ITGAE: variants seen among roughly 807,000 people sequenced by gnomAD.
ITGAE encodes the protein integrin alpha-E.
Under a neutral mutation model 136.5 loss-of-function variants are expected in ITGAE, and 99 were observed. The observed-to-expected ratio is 0.73, with a 90% CI of 0.62 to 0.86. The LOEUF (loss-of-function observed/expected upper bound fraction) is 0.86. ITGAE is among the 40% of genes least tolerant of loss of function. ITGAE has a pLI of 0.00. For synonymous variants in ITGAE, 613 were observed against 591.8 expected, an observed-to-expected ratio of 1.04 and a Z score of -0.52; for missense variants, 1,447 against 1,515.3, an observed-to-expected ratio of 0.95 and a Z score of 0.75.
At chr17:3,764,422 C>T (rs377655553) in intron 2 of ITGAE, among the ~76,000 whole-genome samples, 7 of 152,170 alleles carry the variant, frequency 4.6e-5, no homozygotes, top group African/African-American at 1.2e-4. Flanking sequence ...GGAGGCCGGG[C>T]GCGGCGGCTC....
Position 3,763,925 on chromosome 17 carries a change from G to T in ITGAE, c.191C>A (p.Pro64Gln), listed in dbSNP as rs1198463469. ...AAGGGAACATCGATGGAGGGGCCCT[G>T]GTGTCCTCTTGGTTCTGGGGCTGGT... Reference protein sequence around the residue: ...LVTSPRTKRTPGPLHRCSLVQ... With the variant: ...LVTSPRTKRTQGPLHRCSLVQ... Residue 64 changes from proline to glutamine, a missense_variant, in exon 3 of 31, where the codon CCA becomes CAA. This residue lies in a region of ITGAE where 106 missense variants were observed against 87.8 expected (regional missense o/e 1.21). Coordinates refer to ENST00000263087, the MANE Select transcript of ITGAE (RefSeq NM_002208.5). The T allele has an allele frequency of 1.2e-6, 2 of 1,613,792 alleles. No homozygotes were observed. Among genetic ancestry groups the T allele is most frequent in the Non-Finnish European group, 8.5e-7 (1 of 1,179,892 alleles).
At chr17:3,753,643 C>A in intron 13 of ITGAE, 140 bp downstream of exon 13, 1 of 1,171,152 alleles carries the variant, frequency 8.5e-7, no homozygotes, top group South Asian at 1.5e-5. Context: ...GAAGCAGAGC[C>A]CTCGAGCTCC....
In ITGAE at chr17:3,755,818, T is replaced by G; in HGVS notation, c.1239+12A>C. 1 of 1,583,534 alleles carries G rather than the reference T, an allele frequency of 6.3e-7. No homozygotes were observed. Among genetic ancestry groups the G allele is most frequent in the Non-Finnish European group, 8.6e-7 (1 of 1,165,244 alleles). On this transcript the variant is annotated intron_variant, in intron 11 of 30. Transcript: ENST00000263087. ...ATGGGCAAGCCTGCCTGGTGCTGAG[T>G]CAGCCACGTACCTCATCCAGGATCT...
Position 3,714,810 on chromosome 17 carries a change from G to T in ITGAE, c.*37C>A, listed in dbSNP as rs2050912173. The T allele has an allele frequency of 1.6e-6, 2 of 1,229,186 alleles. No individual in the cohort carries two copies. Among genetic ancestry groups the T allele is most frequent in the Non-Finnish European group, 2.4e-6 (2 of 833,810 alleles). 76.1% of individuals were successfully genotyped at this position (1,229,186 alleles called of 1,614,324 possible). On this transcript the variant is annotated 3_prime_UTR_variant, in exon 31 of 31. Coordinates refer to ENST00000263087, the MANE Select transcript of ITGAE (RefSeq NM_002208.5). ...AAGGATGCTGGGTCTCCAAGTCCCA[G>T]GACTGGCTGATAGCCTCTCCCAGTG...
At chr17:3,778,435 T>C (rs971166946) in intron 1 of ITGAE, among the ~76,000 whole-genome samples, 1 of 152,114 alleles carries the variant, frequency 6.6e-6, no homozygotes, top group Non-Finnish European at 1.5e-5. Context: ...CGGTGGCACG[T>C]TCCTGTAATC....
intron 2 of ITGAE, among the ~76,000 whole-genome samples, chr17:3,769,769 C>T (rs778875227): frequency 4.6e-4 from 69 of 150,052 alleles, no homozygotes; most frequent in Non-Finnish European, 8.2e-4. Context: ...CTGCAACCTC[C>T]GCCTCCCTGG....
intron 1 of ITGAE, among the ~76,000 whole-genome samples, chr17:3,788,765 A>ATTAAAATAATTATTTAAAAATAATAG (rs2052863384): frequency 6.8e-6 from 1 of 146,264 alleles, no homozygotes; most frequent in South Asian, 2.1e-4. Flanking sequence ...AAAAATAATA[A>ATTAAAATAATTATTTAAAAATAATAG]TTATTAAAAT....
In ITGAE at chr17:3,762,590, T is replaced by A. The variant is rs1056419822; in HGVS notation, c.248-608A>T. Among the ~76,000 whole-genome samples, 7 of 114,996 alleles carry A rather than the reference T, an allele frequency of 6.1e-5. No homozygotes were observed. In the East Asian group the frequency reaches 1.6e-3, roughly 27 times the overall value. 75.4% of individuals were successfully genotyped at this position (114,996 alleles called of 152,430 possible). On this transcript the variant is annotated intron_variant, in intron 3 of 30. Coordinates refer to ENST00000263087, the MANE Select transcript of ITGAE (RefSeq NM_002208.5). The stretch of plus-strand genomic sequence containing the variant: ...CAACTCAGTGCCTCTCAGACAAGGA[T>A]TTTTTTTTTTTTTTTTTTTTTTTTT...
chr17:3,762,076 G>T, intron 3 of ITGAE, 94 bp from the exon 4 acceptor site: 1 of 1,023,134 alleles, frequency 9.8e-7, no homozygotes, highest in Non-Finnish European at 1.5e-6. Flanking sequence ...ACCTTGGTCA[G>T]GCCCCCATGA....
chr17:3,771,503 C>T (rs1159804791), intron 2 of ITGAE, among the ~76,000 whole-genome samples: 3 of 150,344 alleles, frequency 2.0e-5, no homozygotes, highest in Admixed American at 6.6e-5. Flanking sequence ...ATGTTCACTG[C>T]GCTGCATGCT....
chr17:3,724,929 G>C, intron 26 of ITGAE: 5 of 1,613,716 alleles, frequency 3.1e-6, no homozygotes, highest in African/African-American at 1.3e-5. Flanking sequence ...AGACAGGCTG[G>C]AGAGAACTAG....
rs561817905 is a variant in ITGAE at position 3,774,558 on chromosome 17, G to A, written c.155+2982C>T. Among the ~76,000 whole-genome samples, 3 of 152,304 alleles carry A rather than the reference G, an allele frequency of 2.0e-5. No homozygotes were observed. In the East Asian group the frequency reaches 5.8e-4, roughly 29 times the overall value. Reference sequence around the variant, plus strand: ...GTGGGCAGGTCATTTGAGGTCAGGAGTTCAAGACCATCCTGGCCAACGTGG... The same window carrying A: ...GTGGGCAGGTCATTTGAGGTCAGGAATTCAAGACCATCCTGGCCAACGTGG... On this transcript the variant is annotated intron_variant, in intron 2 of 30. Transcript: ENST00000263087.
chr17:3,788,784 A>T (rs953862554), intron 1 of ITGAE, among the ~76,000 whole-genome samples: 1 of 137,352 alleles, frequency 7.3e-6, no homozygotes, highest in Non-Finnish European at 1.6e-5. Context: ...ATAATTATTT[A>T]AAAATAATAA....
intron 1 of ITGAE, among the ~76,000 whole-genome samples, chr17:3,785,652 C>A (rs1327271056): frequency 6.6e-6 from 1 of 151,814 alleles, no homozygotes; most frequent in African/African-American, 2.4e-5. Flanking sequence ...CAAATCAGAC[C>A]TAAAGGAAGT....
At chr17:3,761,842 C>G in intron 4 of ITGAE, 73 bp downstream of exon 4, 1 of 1,337,530 alleles carries the variant, frequency 7.5e-7, no homozygotes, top group South Asian at 1.2e-5. Flanking sequence ...GAACTGGTCT[C>G]AACACCAGGG....
At chr17:3,782,450 C>T (rs1347212437) in intron 1 of ITGAE, among the ~76,000 whole-genome samples, 1 of 150,730 alleles carries the variant, frequency 6.6e-6, no homozygotes, top group Non-Finnish European at 1.5e-5. Context: ...TCACTGACAC[C>T]TTCGCCTCCC....
intron 1 of ITGAE, among the ~76,000 whole-genome samples, chr17:3,796,148 C>CGTGTGTGTGTGCATCCGT (rs1567565760): frequency 6.9e-5 from 9 of 130,392 alleles, no homozygotes; most frequent in Admixed American, 3.1e-4. Context: ...TGTGTGCATC[C>CGTGTGTGTGTGCATCCGT]GTGTGTGTGT....
intron 2 of ITGAE, among the ~76,000 whole-genome samples, chr17:3,775,400 C>T (rs2052516282): frequency 6.6e-6 from 1 of 152,162 alleles, no homozygotes; most frequent in Non-Finnish European, 1.5e-5. Context: ...TTCCCATTTT[C>T]CTAAGAGGAA....
chr17:3,762,117 G>C, intron 3 of ITGAE, 135 bp from the exon 4 acceptor site: 3 of 692,956 alleles, frequency 4.3e-6, no homozygotes, highest in Non-Finnish European at 7.4e-6. Flanking sequence ...GAAGCCTCTA[G>C]AAAGCTAGAG....
Sources: allele counts gnomAD v4.1 joint callset (sites outside exome capture counted in the v4.1 genomes callset), GRCh38; gene constraint gnomAD v4.1.1; regional missense constraint gnomAD v4.1.1; transcripts MANE v1.5; gene names NCBI Gene and HGNC (gene_info 2026-07-23, HGNC 2026-07-21).